ELK3: variants seen among roughly 807,000 people sequenced by gnomAD.
ELK3 encodes ETS domain-containing protein Elk-3.
A neutral mutation model predicts 28.9 loss-of-function variants in ELK3; 10 were observed. That is an observed-to-expected ratio of 0.35 (90% CI 0.21 to 0.59). ELK3 has a LOEUF of 0.59. Ranked by LOEUF, ELK3 falls within the 20% of genes least tolerant of loss-of-function variation. The pLI is 0.82. For missense variants in ELK3, 463 were observed against 517.3 expected, an observed-to-expected ratio of 0.90 and a Z score of 1.02; for synonymous variants, 272 against 243.5, an observed-to-expected ratio of 1.12 and a Z score of -1.09.
chr12:96,249,957 T>C (rs914272382), intron 3 of ELK3, among the ~76,000 whole-genome samples: 1 of 152,130 alleles, frequency 6.6e-6, no homozygotes, highest in African/African-American at 2.4e-5. Flanking sequence ...TGAGGGTGCC[T>C]GGTCCTCAGC....
chr12:96,215,049 C>T (rs538446735), intron 1 of ELK3, among the ~76,000 whole-genome samples: 1 of 151,908 alleles, frequency 6.6e-6, no homozygotes, highest in Non-Finnish European at 1.5e-5. Context: ...CTCATGAGCA[C>T]CTATTTTGTT....
rs1243437056 is a variant in ELK3, at chr12:96,268,486, T to G, written c.*1306T>G. On this transcript the variant is annotated 3_prime_UTR_variant, in exon 5 of 5. Transcript: ENST00000228741. ...TGGAGCAGTGATAATACAGACATAT[T>G]TTCTGTTCCATCAGAAAATCAGCAG... 1 of 152,184 alleles carries G rather than the reference T, an allele frequency of 6.6e-6. No individual in the cohort carries two copies. Among genetic ancestry groups the G allele is most frequent in the Non-Finnish European group, 1.5e-5 (1 of 68,028 alleles). The allele number at this position is 152,184 out of a possible 1,614,324, so 9.4% of individuals were successfully genotyped here.
intron 4 of ELK3, among the ~76,000 whole-genome samples, chr12:96,262,735 G>A (rs7315959): frequency 6.6e-6 from 1 of 151,988 alleles, no homozygotes; most frequent in African/African-American, 2.4e-5. Flanking sequence ...ATAACTTTCT[G>A]ATTTTTAAAA....
intron 3 of ELK3, among the ~76,000 whole-genome samples, chr12:96,250,882 A>G (rs1951900217): frequency 6.6e-6 from 1 of 152,168 alleles, no homozygotes; most frequent in African/African-American, 2.4e-5. Flanking sequence ...AAGGTTGGTT[A>G]TTTCCAGCTA....
At chr12:96,252,842 A>G (rs1024307525) in intron 3 of ELK3, among the ~76,000 whole-genome samples, 4 of 152,232 alleles carry the variant, frequency 2.6e-5, no homozygotes, top group African/African-American at 9.6e-5. Flanking sequence ...TTTACATTAC[A>G]TTACTTAGTT....
chr12:96,259,955 G>GAAAT, intron 4 of ELK3, 102 bp downstream of exon 4: 2 of 1,426,796 alleles, frequency 1.4e-6, no homozygotes, highest in Non-Finnish European at 1.8e-6. Context: ...ATGTTGAGTT[G>GAAAT]AAATATTAAA....
In ELK3 at chr12:96,248,006, G is replaced by A. The variant is rs570839328; in HGVS notation, c.1002+272G>A. Among the ~76,000 whole-genome samples, 7 of 152,288 alleles carry A rather than the reference G, an allele frequency of 4.6e-5. No individual in the cohort carries two copies. In the South Asian group the frequency reaches 1.5e-3, roughly 32 times the overall value. On this transcript the variant is annotated intron_variant, in intron 3 of 4. Transcript: ENST00000228741. ...TGACCATAGGTGGAACACGCACACT[G>A]GCCGACAAAGCAGATCTCACCAGCG...
At chr12:96,256,737 AT>A (rs1175748538) in intron 3 of ELK3, among the ~76,000 whole-genome samples, 1 of 152,254 alleles carries the variant, frequency 6.6e-6, no homozygotes, top group Non-Finnish European at 1.5e-5. Context: ...AGATTCAGAA[AT>A]AAGAAATCCC....
intron 2 of ELK3, among the ~76,000 whole-genome samples, chr12:96,236,589 CGT>C (rs950633670): frequency 3.9e-5 from 6 of 152,038 alleles, no homozygotes; most frequent in African/African-American, 4.8e-5. Context: ...TGGGTGTGTA[CGT>C]GTGTGTGTGT....
chr12:96,195,046 C>T (rs1413750833), intron 1 of ELK3, among the ~76,000 whole-genome samples: 3 of 151,922 alleles, frequency 2.0e-5, no homozygotes, highest in African/African-American at 7.2e-5. Flanking sequence ...TGGGAGCTCG[C>T]CCAGGGCCCC....
At chr12:96,204,443 G>C (rs562090834) in intron 1 of ELK3, among the ~76,000 whole-genome samples, 11 of 152,292 alleles carry the variant, frequency 7.2e-5, no homozygotes, top group South Asian at 4.1e-4. Flanking sequence ...ACACCCAAAC[G>C]GGGGAGGACT....
chr12:96,247,672 A>G lies in ELK3; in HGVS notation c.940A>G (p.Ile314Val). 5.6e-6 allele frequency: 9 copies of G among 1,612,094 alleles called. No individual in the cohort carries two copies. Among genetic ancestry groups the G allele is most frequent in the South Asian group, 2.2e-5 (2 of 91,008 alleles). ...LVLSGTDIGS[I>V]ALNSPALPSG... ...GCTCTCCGGCACCGACATCGGCTCCATCGCCCTCAACAGCCCAGCCCTCCC... is the reference window on the plus strand; with the variant it reads ...GCTCTCCGGCACCGACATCGGCTCCGTCGCCCTCAACAGCCCAGCCCTCCC... The change falls in exon 3 of 5, where the codon ATC (isoleucine) becomes GTC (valine). Residue 314 changes from isoleucine (I) to valine (V), a missense_variant. Ile to Val is a conservative substitution (Grantham distance 29). Around this residue, in one of 2 missense-constraint regions of ELK3, gnomAD observed 408 missense variants for 414.8 expected, o/e 0.98. Coordinates refer to ENST00000228741, the MANE Select transcript of ELK3 (RefSeq NM_005230.4). This position sits in a 1 kb window ranked among gnomAD's most constrained non-coding sequence, Gnocchi z 5.5.
intron 1 of ELK3, among the ~76,000 whole-genome samples, chr12:96,213,465 T>G (rs138927291): frequency 1.3e-5 from 2 of 152,288 alleles, no homozygotes; most frequent in East Asian, 3.9e-4. Flanking sequence ...GGCTGGGTTG[T>G]ATGGTGGTTA....
At chr12:96,212,070 G>C (rs1951582759) in intron 1 of ELK3, among the ~76,000 whole-genome samples, 1 of 152,142 alleles carries the variant, frequency 6.6e-6, no homozygotes, top group Non-Finnish European at 1.5e-5. Flanking sequence ...GGCAGAGTTG[G>C]GCTGCAGTAC....
rs1252234494 is a variant in ELK3 at position 96,269,239 on chromosome 12, G to A, written c.*2059G>A. 3 of 152,156 alleles carry A rather than the reference G, an allele frequency of 2.0e-5. No individual in the cohort carries two copies. Among genetic ancestry groups the A allele is most frequent in the African/African-American group, 7.2e-5 (3 of 41,428 alleles). The allele number at this position is 152,156 out of a possible 1,614,324, so 9.4% of individuals were successfully genotyped here. On this transcript the variant is annotated 3_prime_UTR_variant, in exon 5 of 5. Transcript: ENST00000228741. ...TAGTAAAACAAACAAAACAGATAAA[G>A]ACAGCATTTAAAACTGTGTTGTCAG...
At chr12:96,254,827 C>T (rs1951935361) in intron 3 of ELK3, among the ~76,000 whole-genome samples, 1 of 151,988 alleles carries the variant, frequency 6.6e-6, no homozygotes, top group African/African-American at 2.4e-5. Flanking sequence ...GGTGAGACCA[C>T]TGGTACAGGG....
At chr12:96,194,929 C>T (rs1951451954) in intron 1 of ELK3, among the ~76,000 whole-genome samples, 1 of 147,118 alleles carries the variant, frequency 6.8e-6, no homozygotes, top group African/African-American at 2.5e-5. Flanking sequence ...CCACCGCCGT[C>T]GCCCGAGCTC....
At chr12:96,214,245 A>G (rs1223234570) in intron 1 of ELK3, among the ~76,000 whole-genome samples, 3 of 152,112 alleles carry the variant, frequency 2.0e-5, no homozygotes, top group African/African-American at 7.2e-5. Context: ...ACCCTGGCGA[A>G]CATGCTGAAA....
chr12:96,266,659 T>C (rs1022738550), intron 4 of ELK3, among the ~76,000 whole-genome samples: 5 of 152,222 alleles, frequency 3.3e-5, no homozygotes, highest in African/African-American at 4.8e-5. Flanking sequence ...TTTCAAAATA[T>C]AGTATTAGAA....
Sources: gnomAD v4.1 joint callset for allele counts (sites outside exome capture counted in the v4.1 genomes callset) on GRCh38, gnomAD v4.1.1 for gene constraint, gnomAD v4.1.1 regional missense constraint, Gnocchi (gnomAD v3.1) non-coding constraint, MANE v1.5 for transcripts, NCBI Gene and HGNC (gene_info 2026-07-23, HGNC 2026-07-21) for gene names.